LTBP4: variants seen among roughly 807,000 people sequenced by gnomAD.
LTBP4 encodes latent transforming growth factor beta binding protein 4, also known as latent-transforming growth factor beta-binding protein 4.
A neutral mutation model predicts 180.2 loss-of-function variants in LTBP4; 93 were observed. The ratio of observed to expected loss-of-function variants is 0.52; its 90% confidence interval spans 0.44 to 0.61. The LOEUF (loss-of-function observed/expected upper bound fraction) is 0.61, where lower values mean the gene tolerates loss of function less well. LTBP4 is among the 20% of genes least tolerant of loss of function. The pLI is 0.00. For missense variants in LTBP4, 2,116 were observed against 2,256.5 expected, an observed-to-expected ratio of 0.94 and a Z score of 1.26; for synonymous variants, 947 against 934.5, an observed-to-expected ratio of 1.01 and a Z score of -0.24.
Position 40,629,489 on chromosome 19 carries a change from G to T in LTBP4, c.4613G>T (p.Arg1538Leu). The change falls in exon 30 of 30, where the codon CGC becomes CTC. Residue 1538 changes from arginine to leucine, a missense_variant. Arg to Leu is a moderately radical substitution (Grantham distance 102). Around this residue, in one of 5 missense-constraint regions of LTBP4, gnomAD observed 488 missense variants for 458.8 expected, o/e 1.06. Transcript: ENST00000396819. This position sits in a 1 kb window ranked among gnomAD's most constrained non-coding sequence, Gnocchi z 4.5. Reference protein sequence around the residue: ...NTDGSFRCICRPGFAPTHQPH... With the variant: ...NTDGSFRCICLPGFAPTHQPH... ...GATGGCTCCTTCCGCTGCATCTGCC[G>T]CCCGGGATTCGCACCCACGCACCAG... 1.9e-6 allele frequency: 3 copies of T among 1,606,446 alleles called. No individual in the cohort carries two copies. The highest frequency in any genetic ancestry group is 2.6e-6 in the Non-Finnish European group (3 of 1,175,458).
In LTBP4 at chr19:40,601,420, G is replaced by A; in HGVS notation, c.33G>A (p.Ser11=). 1 of 1,423,952 alleles carries A rather than the reference G, an allele frequency of 7.0e-7. No homozygotes were observed. Among genetic ancestry groups the A allele is most frequent in the Non-Finnish European group, 9.2e-7 (1 of 1,086,912 alleles). The allele number at this position is 1,423,952 out of a possible 1,614,324, so 88.2% of individuals were successfully genotyped here. Reference sequence around the variant, plus strand: ...GCGGCGTGCGGCTGCTCTGGGTGTCGCTATTGGTGCTGCTGGCGCAGCTAG... The same window carrying A: ...GCGGCGTGCGGCTGCTCTGGGTGTCACTATTGGTGCTGCTGGCGCAGCTAG... MAGGVRLLWV[S]LLVLLAQLGP... is the part of the protein sequence containing the mutation. Residue 11 remains serine (S), a synonymous_variant, in exon 1 of 30, where the codon TCG becomes TCA. Coordinates refer to ENST00000396819, the MANE Select transcript of LTBP4 (RefSeq NM_001042545.2).
intron 19 of LTBP4, 102 bp from the exon 20 acceptor site, chr19:40,616,787 A>G: frequency 7.4e-7 from 1 of 1,356,156 alleles, no homozygotes; most frequent in South Asian, 1.3e-5. Flanking sequence ...CTCCTAGAAT[A>G]CCAGATTGCT....
chr19:40,603,818 G>A (rs961195488), intron 1 of LTBP4, among the ~76,000 whole-genome samples: 1 of 152,222 alleles, frequency 6.6e-6, no homozygotes, highest in Non-Finnish European at 1.5e-5. Flanking sequence ...GGACAGCCCG[G>A]CCTCCTTTGG....
chr19:40,597,365 C>A, upstream of LTBP4: 1 of 1,519,062 alleles, frequency 6.6e-7, no homozygotes, highest in Non-Finnish European at 8.8e-7. Flanking sequence ...CCGGGGGTCC[C>A]CAGCCGCCCG....
At position 40,609,702 on chromosome 19, in the gene LTBP4, G is replaced by C. The variant is rs768000779; in HGVS notation, c.1558+41G>C. ...GGCGCGGAAGGAGGCGGGGCGGGGG[G>C]CTTTGCCTGGTCACCTTGTCACCAG... On this transcript the variant is annotated intron_variant, in intron 10 of 29. Transcript: ENST00000396819. This position sits in a 1 kb window ranked among gnomAD's most constrained non-coding sequence, Gnocchi z 4.9. 1 of 1,611,438 alleles carries C rather than the reference G, an allele frequency of 6.2e-7. No individual in the cohort carries two copies. The highest frequency in any genetic ancestry group is 1.1e-5 in the South Asian group (1 of 91,000).
At chr19:40,608,190 CCT>C (rs1343584316) in intron 7 of LTBP4, 28 bp from the exon 8 acceptor site, 5 of 1,613,178 alleles carry the variant, frequency 3.1e-6, no homozygotes, top group East Asian at 2.2e-5. Flanking sequence ...GCTCTCTTGT[CCT>C]CTCTCTGTCT....
At chr19:40,617,997 A>G (rs2081562044) in intron 21 of LTBP4, among the ~76,000 whole-genome samples, 1 of 152,074 alleles carries the variant, frequency 6.6e-6, no homozygotes, top group African/African-American at 2.4e-5. Flanking sequence ...TTCCCCATAA[A>G]TTCTTCAATA....
rs2081487684 is a variant in LTBP4 at position 40,609,412 on chromosome 19, T to G, written c.1427-118T>G. 7.7e-7 allele frequency: 1 copy of G among 1,293,376 alleles called. No homozygotes were observed. The highest frequency in any genetic ancestry group is 1.1e-6 in the Non-Finnish European group (1 of 925,262). 80.1% of individuals were successfully genotyped at this position (1,293,376 alleles called of 1,614,324 possible). On this transcript the variant is annotated intron_variant, in intron 9 of 29. Coordinates refer to ENST00000396819, the MANE Select transcript of LTBP4 (RefSeq NM_001042545.2). The surrounding 1 kb of genome is among the most constrained non-coding windows in gnomAD (Gnocchi z 4.9). ...AGATCAGAAGAAGACTGGGCTTGCT[T>G]GGGGAGGAGACATCCATGAAGGTGT...
intron 18 of LTBP4, 21 bp from the exon 19 acceptor site, chr19:40,614,294 C>G (rs777906760): frequency 6.3e-7 from 1 of 1,590,758 alleles, no homozygotes; most frequent in South Asian, 1.1e-5. Flanking sequence ...CCACATCCGA[C>G]CACCCGACCT....
intron 27 of LTBP4, 130 bp downstream of exon 27, chr19:40,626,139 G>A (rs1445628266): frequency 9.6e-6 from 10 of 1,037,898 alleles, no homozygotes; most frequent in Admixed American, 6.9e-5. Context: ...CCCCTATGTC[G>A]CAGCCCATCC....
chr19:40,620,167 C>T lies in LTBP4; in HGVS notation c.3217+674C>T, dbSNP rs140133292. On this transcript the variant is annotated intron_variant, in intron 22 of 29. Transcript: ENST00000396819. ...AGGGAAAGAGTCAGGTGCCCGATCA[C>T]ACTGACTTATCACAGTAAGAGAGCA... 4.7e-3 allele frequency among the ~76,000 whole-genome samples: 707 copies of T among 151,462 alleles called. 10 individuals carry two copies. Among genetic ancestry groups the T allele is most frequent in the African/African-American group, 0.016 (666 of 41,414 alleles).
intron 1 of LTBP4, among the ~76,000 whole-genome samples, chr19:40,603,850 C>A (rs1159656651): frequency 6.6e-6 from 1 of 152,240 alleles, no homozygotes; most frequent in Admixed American, 6.5e-5. Flanking sequence ...CGGGGCTCCC[C>A]AAGGGTCCGG....
intron 27 of LTBP4, 122 bp downstream of exon 27, chr19:40,626,131 C>G (rs1275082324): frequency 1.8e-6 from 2 of 1,125,416 alleles, no homozygotes; most frequent in Non-Finnish European, 2.4e-6. Context: ...TAGACCAACC[C>G]CTATGTCGCA....
upstream of LTBP4, chr19:40,599,822 A>G (rs1271701339): frequency 3.6e-6 from 2 of 561,124 alleles, no homozygotes; most frequent in East Asian, 2.9e-5. Context: ...CCTGTGTCTC[A>G]CTGCCTGCCT....
At position 40,606,275 on chromosome 19, in the gene LTBP4, C is replaced by A. The variant is rs764229168; in HGVS notation, c.836C>A (p.Thr279Asn). The change falls in exon 5 of 30, where the codon ACC becomes AAC. Residue 279 changes from threonine (T) to asparagine (N), a missense_variant. By Grantham distance (65) the Thr-to-Asn change is moderately conservative (BLOSUM62 0). Around this residue, in one of 5 missense-constraint regions of LTBP4, gnomAD observed 469 missense variants for 532.5 expected, o/e 0.88. Transcript: ENST00000396819. ...AGCGCCCCAGATGGACCTTGTCCAA[C>A]CGGCTTTGAAAGAGTTAATGGGTCC... ...RVSAPDGPCP[T>N]GFERVNGSCE... 6.2e-7 allele frequency: 1 copy of A among 1,600,940 alleles called. No homozygotes were observed. The highest frequency in any genetic ancestry group is 8.5e-7 in the Non-Finnish European group (1 of 1,173,796).
chr19:40,610,230 C>T (rs1361279702), intron 11 of LTBP4: 3 of 504,120 alleles, frequency 6.0e-6, no homozygotes, highest in South Asian at 6.5e-5. Context: ...CTGACCGCGA[C>T]CCCGATTCCA....
At chr19:40,607,660 T>C in intron 7 of LTBP4, 131 bp downstream of exon 7, 1 of 1,017,600 alleles carries the variant, frequency 9.8e-7, no homozygotes, top group Admixed American at 2.8e-5. Context: ...CGCAGCAGCC[T>C]CTGAGACCCG....
rs1338685586 is a variant in LTBP4, at chr19:40,623,664, C to T, written c.3617C>T (p.Thr1206Met). ...TGCAAGAGTGGCGTGTGTGTGAACA[C>T]GGCCCCGGGCTACTCATGCTATTGC... ...QVCKSGVCVN[T>M]APGYSCYCSN... Residue 1206 changes from threonine (T) to methionine (M), a missense_variant, in exon 25 of 30, where the codon ACG (threonine) becomes ATG (methionine). Coordinates refer to ENST00000396819, the MANE Select transcript of LTBP4 (RefSeq NM_001042545.2). The T allele has an allele frequency of 8.1e-6, 13 of 1,613,814 alleles. No homozygotes were observed. The highest frequency in any genetic ancestry group is 1.6e-4 in the Middle Eastern group (1 of 6,062).
intron 22 of LTBP4, among the ~76,000 whole-genome samples, chr19:40,619,946 G>A (rs1358109669): frequency 6.6e-6 from 1 of 152,178 alleles, no homozygotes; most frequent in Non-Finnish European, 1.5e-5. Context: ...TGTAGGAGAC[G>A]ACATCTGAAC....
Sources: allele counts gnomAD v4.1 joint callset (sites outside exome capture counted in the v4.1 genomes callset), GRCh38; gene constraint gnomAD v4.1.1; regional missense constraint gnomAD v4.1.1; non-coding constraint Gnocchi (gnomAD v3.1); transcripts MANE v1.5; gene names NCBI Gene and HGNC (gene_info 2026-07-23, HGNC 2026-07-21).